NTM: variants seen among roughly 807,000 people sequenced by gnomAD.
The protein encoded by NTM is neurotrimin, also known as IgLON family member 2.
In NTM, 13 loss-of-function variants were observed where a neutral mutation model predicts 42.1. The observed-to-expected ratio is 0.31, with a 90% CI of 0.20 to 0.49. The LOEUF is 0.49. NTM is among the 20% of genes least tolerant of loss of function. The probability of loss-of-function intolerance (pLI) is 0.99; values close to 1 mark genes in which losing one functional copy is unlikely to be tolerated. For synonymous variants in NTM, 187 were observed against 179.2 expected (o/e 1.04, Z -0.35); for missense variants, 373 against 452.8 (o/e 0.82, Z 1.60).
chr11:131,769,294 A>AT (rs137913664), intron 1 of NTM, among the ~76,000 whole-genome samples: 444 of 151,298 alleles, frequency 2.9e-3, no homozygotes, highest in East Asian at 9.5e-3. Context: ...TGGTTTTCTC[A>AT]TTTTTTTTTG....
chr11:132,246,472 C>T lies in NTM; in HGVS notation c.526+34325C>T, dbSNP rs138439708. ...CTGCCGAGGTCACAGAGCTGAACTC[C>T]CAGTGGAGGCAGAACAAAACCCTTT... On this transcript the variant is annotated intron_variant, in intron 4 of 8. Transcript: ENST00000683400. 1.6e-3 allele frequency among the ~76,000 whole-genome samples: 245 copies of T among 152,342 alleles called. 2 individuals are homozygous for T. The East Asian group carries it at 0.021, about 13-fold the overall frequency.
intron 1 of NTM, among the ~76,000 whole-genome samples, chr11:131,544,951 C>G (rs1341367629): frequency 6.6e-6 from 1 of 152,180 alleles, no homozygotes; most frequent in Non-Finnish European, 1.5e-5. Context: ...GGAAGGACCC[C>G]AGACCCCTCT....
intron 2 of NTM, among the ~76,000 whole-genome samples, chr11:131,987,491 T>C (rs2066272217): frequency 6.6e-6 from 1 of 152,136 alleles, no homozygotes; most frequent in Admixed American, 6.6e-5. Flanking sequence ...TTAAGCTGTT[T>C]CTGCAGTAAA....
At chr11:131,994,623 AG>A (rs1211809728) in intron 2 of NTM, among the ~76,000 whole-genome samples, 1 of 152,162 alleles carries the variant, frequency 6.6e-6, no homozygotes, top group Non-Finnish European at 1.5e-5. Flanking sequence ...CGTATTTTTC[AG>A]GGTTTCATCA....
chr11:131,815,844 G>A (rs918836472), intron 1 of NTM, among the ~76,000 whole-genome samples: 2 of 152,218 alleles, frequency 1.3e-5, no homozygotes, highest in Non-Finnish European at 2.9e-5. Context: ...CTTCCGGGTG[G>A]CCGCGGTGGG....
intron 1 of NTM, among the ~76,000 whole-genome samples, chr11:131,800,224 G>A (rs56210580): frequency 0.036 from 5,549 of 152,314 alleles, 339 homozygotes; most frequent in African/African-American, 0.13. Context: ...ATTTAAAGAA[G>A]TAATTGCAAT....
chr11:131,811,973 T>C (rs964775055), intron 1 of NTM, among the ~76,000 whole-genome samples: 1 of 152,204 alleles, frequency 6.6e-6, no homozygotes, highest in Non-Finnish European at 1.5e-5. Context: ...CAGTAGATGA[T>C]GCTGGTATGA....
chr11:132,200,106 A>G (rs1309520178), intron 3 of NTM, among the ~76,000 whole-genome samples: 4 of 152,160 alleles, frequency 2.6e-5, no homozygotes, highest in Non-Finnish European at 5.9e-5. Context: ...GCTAAAGGGG[A>G]AGGAGCTTCG....
At chr11:131,988,534 A>T (rs1892941) in intron 2 of NTM, among the ~76,000 whole-genome samples, 47,356 of 152,052 alleles carry the variant, frequency 0.31, 8,137 homozygotes, top group South Asian at 0.53. Context: ...GCAGTGGTGG[A>T]TATTCCATGT....
chr11:131,574,603 T>C (rs948158042), intron 1 of NTM, among the ~76,000 whole-genome samples: 2 of 96,624 alleles, frequency 2.1e-5, no homozygotes, highest in African/African-American at 4.8e-5. Flanking sequence ...CATGCACCTT[T>C]ACATTCACTT....
intron 1 of NTM, among the ~76,000 whole-genome samples, chr11:131,507,371 A>T (rs1208488087): frequency 2.6e-5 from 4 of 150,976 alleles, no homozygotes; most frequent in Non-Finnish European, 4.4e-5. Context: ...AGTTGTAGAT[A>T]TGCGGCGTTA....
chr11:132,288,538 A>T (rs769348835), intron 4 of NTM, among the ~76,000 whole-genome samples: 17 of 152,230 alleles, frequency 1.1e-4, no homozygotes, highest in Admixed American at 4.6e-4. Flanking sequence ...AATACACAAT[A>T]GTTTCACCCC....
intron 4 of NTM, among the ~76,000 whole-genome samples, chr11:132,227,423 G>A (rs2086543058): frequency 6.6e-6 from 1 of 152,192 alleles, no homozygotes; most frequent in African/African-American, 2.4e-5. Flanking sequence ...TAATTTTGCT[G>A]AGAAGTTTCA....
chr11:131,421,712 CAA>C (rs1947547506), intron 1 of NTM, among the ~76,000 whole-genome samples: 1 of 152,188 alleles, frequency 6.6e-6, no homozygotes, highest in Non-Finnish European at 1.5e-5. Flanking sequence ...AAATTTTAAA[CAA>C]AGCAACTGCT....
chr11:131,860,220 C>T lies in NTM; in HGVS notation c.83-51344C>T, dbSNP rs184135009. Among the ~76,000 whole-genome samples, 282 of 152,290 alleles carry T rather than the reference C, an allele frequency of 1.9e-3. 1 individual carries two copies. The highest frequency in any genetic ancestry group is 6.1e-3 in the African/African-American group (253 of 41,560). ...GGACTGACGGGGCCCCCATGACCATCTCGTGTTTGGAGGGTCTCTGGAAGG... is the reference window on the plus strand; with the variant it reads ...GGACTGACGGGGCCCCCATGACCATTTCGTGTTTGGAGGGTCTCTGGAAGG... On this transcript the variant is annotated intron_variant, in intron 1 of 8. Coordinates refer to ENST00000683400, the MANE Select transcript of NTM (RefSeq NM_001352005.2).
At chr11:131,737,634 G>A (rs764371329) in intron 1 of NTM, among the ~76,000 whole-genome samples, 26 of 152,214 alleles carry the variant, frequency 1.7e-4, no homozygotes, top group Admixed American at 3.9e-4. Context: ...TGCAATGTCC[G>A]TGCTCTCTGC....
At chr11:131,606,710 C>G (rs1490840219) in intron 1 of NTM, among the ~76,000 whole-genome samples, 2 of 152,186 alleles carry the variant, frequency 1.3e-5, no homozygotes, top group African/African-American at 4.8e-5. Flanking sequence ...GTTCAGTAGT[C>G]TGAGTTGTTA....
intron 2 of NTM, among the ~76,000 whole-genome samples, chr11:132,111,734 C>T (rs552003783): frequency 5.9e-5 from 9 of 152,356 alleles, no homozygotes; most frequent in African/African-American, 2.2e-4. Context: ...GCTTCAGATT[C>T]ATCGCACCAA....
intron 1 of NTM, among the ~76,000 whole-genome samples, chr11:131,858,430 C>A (rs1186536615): frequency 6.6e-6 from 1 of 151,966 alleles, no homozygotes; most frequent in East Asian, 1.9e-4. Context: ...GCTGTTTGGA[C>A]AATCCTTGTA....
Sources: gnomAD v4.1 joint callset for allele counts (sites outside exome capture counted in the v4.1 genomes callset) on GRCh38, gnomAD v4.1.1 for gene constraint, MANE v1.5 for transcripts, NCBI Gene and HGNC (gene_info 2026-07-23, HGNC 2026-07-21) for gene names.